The following ZSWIM6 variants were observed in gnomAD, a reference collection of about 807,000 sequenced individuals.
The protein encoded by ZSWIM6 is zinc finger SWIM-type containing 6.
ZSWIM6 carries 9 observed loss-of-function variants against 113.2 expected under a neutral mutation model. The observed-to-expected ratio is 0.08, with a 90% CI of 0.05 to 0.14. The LOEUF (loss-of-function observed/expected upper bound fraction) is 0.14, where lower values mean the gene tolerates loss of function less well. ZSWIM6 is among the 10% of genes least tolerant of loss of function. ZSWIM6 has a pLI of 1.00. For synonymous variants in ZSWIM6, 611 were observed against 606.5 expected (o/e 1.01, Z -0.11); for missense variants, 1,162 against 1,552.2 (o/e 0.75, Z 4.22).
At chr5:61,436,248 G>A (rs1746704885) in intron 1 of ZSWIM6, among the ~76,000 whole-genome samples, 1 of 151,832 alleles carries the variant, frequency 6.6e-6, no homozygotes, top group Non-Finnish European at 1.5e-5. Context: ...TAAATGAGAT[G>A]TTGGTAGCAG....
At chr5:61,398,331 C>G (rs1163617530) in intron 1 of ZSWIM6, among the ~76,000 whole-genome samples, 1 of 152,170 alleles carries the variant, frequency 6.6e-6, no homozygotes, top group African/African-American at 2.4e-5. Flanking sequence ...GTTGCACACT[C>G]CTTATGAGAA....
At chr5:61,354,330 G>T (rs1158557881) in intron 1 of ZSWIM6, among the ~76,000 whole-genome samples, 1 of 152,094 alleles carries the variant, frequency 6.6e-6, no homozygotes, top group Non-Finnish European at 1.5e-5. Flanking sequence ...TACATGTTTT[G>T]GTTATCTGAT....
chr5:61,410,490 A>G (rs1456604906), intron 1 of ZSWIM6, among the ~76,000 whole-genome samples: 1 of 151,502 alleles, frequency 6.6e-6, no homozygotes, highest in Non-Finnish European at 1.5e-5. Flanking sequence ...TTGTATTTTT[A>G]GTAGAGATGG....
rs190237822 is a variant in ZSWIM6 at position 61,413,988 on chromosome 5, G to A, written c.677-58693G>A. Among the ~76,000 whole-genome samples, 360 of 152,108 alleles carry A rather than the reference G, an allele frequency of 2.4e-3. 1 individual carries two copies. Among genetic ancestry groups the A allele is most frequent in the Middle Eastern group, 6.8e-3 (2 of 294 alleles). On this transcript the variant is annotated intron_variant, in intron 1 of 13. Transcript: ENST00000252744. ...ATTCAAATAACTGAAAGGAAGGAAC[G>A]CAGTGTGAGTTGTAGAGCAGAGCAG... is the stretch of plus-strand genomic sequence containing the variant.
In ZSWIM6 at chr5:61,450,856, G is replaced by T. The variant is rs1747072464; in HGVS notation, c.677-21825G>T. ...GGGAAGAGGAACCCCAGGAACATTTGCCATGGTCATTTTGGGAATACTTGA... is the reference window on the plus strand; with the variant it reads ...GGGAAGAGGAACCCCAGGAACATTTTCCATGGTCATTTTGGGAATACTTGA... On this transcript the variant is annotated intron_variant, in intron 1 of 13. Coordinates refer to ENST00000252744, the MANE Select transcript of ZSWIM6 (RefSeq NM_020928.2). Among the ~76,000 whole-genome samples the T allele has an allele frequency of 2.0e-5, 3 of 152,292 alleles. No individual in the cohort carries two copies. The South Asian group carries it at 6.2e-4, about 32-fold the overall frequency.
intron 1 of ZSWIM6, among the ~76,000 whole-genome samples, chr5:61,371,292 A>G (rs1239657986): frequency 1.3e-5 from 2 of 152,112 alleles, no homozygotes; most frequent in African/African-American, 4.8e-5. Context: ...GACTTTATCA[A>G]CTATCTACAC....
At chr5:61,478,482 ATAAT>A (rs1380289852) in intron 2 of ZSWIM6, among the ~76,000 whole-genome samples, 1 of 152,212 alleles carries the variant, frequency 6.6e-6, no homozygotes, top group Non-Finnish European at 1.5e-5. Context: ...TTTAAAATAA[ATAAT>A]TCAGAAAATG....
intron 1 of ZSWIM6, among the ~76,000 whole-genome samples, chr5:61,372,553 T>C (rs148896879): frequency 1.8e-4 from 27 of 152,344 alleles, no homozygotes; most frequent in African/African-American, 6.0e-4. Flanking sequence ...CTTACCTCTT[T>C]GGTAACTCCA....
intron 4 of ZSWIM6, 135 bp from the exon 5 acceptor site, chr5:61,521,128 A>T (rs1749105850): frequency 2.4e-6 from 1 of 423,084 alleles, no homozygotes; most frequent in Non-Finnish European, 3.4e-6. Flanking sequence ...TTGATAATTT[A>T]AAAAATTTAA....
At chr5:61,375,098 C>G in intron 1 of ZSWIM6, 1 of 1,606,168 alleles carries the variant, frequency 6.2e-7, no homozygotes, top group Non-Finnish European at 8.5e-7. Context: ...CTACTGTGCG[C>G]GCGATCCAGC....
chr5:61,517,605 C>T (rs533402824), intron 4 of ZSWIM6, among the ~76,000 whole-genome samples: 2 of 152,006 alleles, frequency 1.3e-5, no homozygotes, highest in East Asian at 3.9e-4. Context: ...ACATCTAGTT[C>T]ATCTTGCTTG....
chr5:61,356,823 AAT>A (rs1307965728), intron 1 of ZSWIM6, among the ~76,000 whole-genome samples: 2 of 143,702 alleles, frequency 1.4e-5, no homozygotes, highest in Non-Finnish European at 3.0e-5. Context: ...ATAAATAAAA[AAT>A]ATATATTTTA....
chr5:61,453,808 T>C (rs1438903069), intron 1 of ZSWIM6, among the ~76,000 whole-genome samples: 2 of 150,810 alleles, frequency 1.3e-5, no homozygotes, highest in East Asian at 3.9e-4. Flanking sequence ...GGAGGAGGAG[T>C]ATCAAATAAT....
intron 1 of ZSWIM6, among the ~76,000 whole-genome samples, chr5:61,458,664 G>A (rs1747260874): frequency 6.6e-6 from 1 of 151,972 alleles, no homozygotes; most frequent in Non-Finnish European, 1.5e-5. Flanking sequence ...GATCACTTGA[G>A]GTCAGGAGTT....
intron 4 of ZSWIM6, among the ~76,000 whole-genome samples, chr5:61,519,236 C>T (rs1749045345): frequency 6.6e-6 from 1 of 152,166 alleles, no homozygotes; most frequent in African/African-American, 2.4e-5. Flanking sequence ...GGATCTGTCT[C>T]ATGCACATGA....
chr5:61,431,400 CATCTT>C (rs1246588656), intron 1 of ZSWIM6, among the ~76,000 whole-genome samples: 1 of 106,290 alleles, frequency 9.4e-6, no homozygotes, highest in African/African-American at 3.5e-5. Flanking sequence ...AAAAAAAAAT[CATCTT>C]ATGGTAAATA....
chr5:61,431,961 G>A (rs1292454132), intron 1 of ZSWIM6, among the ~76,000 whole-genome samples: 2 of 151,876 alleles, frequency 1.3e-5, no homozygotes, highest in Non-Finnish European at 2.9e-5. Context: ...AAACTGTAGT[G>A]GGTTTTTCTC....
intron 1 of ZSWIM6, among the ~76,000 whole-genome samples, chr5:61,354,426 G>A (rs1209608193): frequency 1.3e-5 from 2 of 152,152 alleles, no homozygotes; most frequent in African/African-American, 2.4e-5. Flanking sequence ...CCAAGTTATA[G>A]GATGAATAAT....
At chr5:61,462,677 A>G (rs1295853436) in intron 1 of ZSWIM6, among the ~76,000 whole-genome samples, 1 of 152,232 alleles carries the variant, frequency 6.6e-6, no homozygotes, top group Admixed American at 6.5e-5. Context: ...CAAGCTTCCC[A>G]GAGTATGTGG....
Sources: allele counts gnomAD v4.1 joint callset (sites outside exome capture counted in the v4.1 genomes callset), GRCh38; gene constraint gnomAD v4.1.1; transcripts MANE v1.5; gene names NCBI Gene and HGNC (gene_info 2026-07-23, HGNC 2026-07-21).